AGTPBP1: variants seen among roughly 807,000 people sequenced by gnomAD.
AGTPBP1 encodes cytosolic carboxypeptidase 1.
AGTPBP1 carries 70 observed loss-of-function variants against 143.9 expected under a neutral mutation model. The ratio of observed to expected loss-of-function variants is 0.49; its 90% CI spans 0.40 to 0.59. The LOEUF is 0.59. Among genes scored for constraint, AGTPBP1 ranks in the 20% least tolerant of loss-of-function variants. The pLI is 0.00. For missense variants in AGTPBP1, 1,229 were observed against 1,464.5 expected, an observed-to-expected ratio of 0.84 and a Z score of 2.62; for synonymous variants, 463 against 500.2, an observed-to-expected ratio of 0.93 and a Z score of 0.99.
rs148212968 is a variant in AGTPBP1 at position 85,729,266 on chromosome 9, T to C, written c.-34+12509A>G. Reference sequence around the variant, plus strand: ...TGAAAACCACCCAAGTGCCCACCAATAGATGAATGAACAATACATGGTAGA... The same window carrying C: ...TGAAAACCACCCAAGTGCCCACCAACAGATGAATGAACAATACATGGTAGA... On this transcript the variant is annotated intron_variant, in intron 1 of 25. Transcript: ENST00000357081. 2.6e-3 allele frequency among the ~76,000 whole-genome samples: 397 copies of C among 152,160 alleles called. 1 individual carries two copies. The highest frequency in any genetic ancestry group is 9.1e-3 in the African/African-American group (376 of 41,490).
chr9:85,750,062 T>G, the AGTPBP1 span, among the ~76,000 whole-genome samples: 1 of 152,066 alleles, frequency 6.6e-6, no homozygotes, highest in Non-Finnish European at 1.5e-5. Flanking sequence ...TTTTGTCTTT[T>G]TAATAGAGAC....
intron 2 of AGTPBP1, among the ~76,000 whole-genome samples, chr9:85,698,302 T>C (rs2134333991): frequency 6.6e-6 from 1 of 152,306 alleles, no homozygotes; most frequent in Non-Finnish European, 1.5e-5. Context: ...GTGAGAATCA[T>C]CCTTTTCCAA....
At chr9:85,619,330 T>C in intron 15 of AGTPBP1, 29 bp from the exon 16 acceptor site, 1 of 1,498,518 alleles carries the variant, frequency 6.7e-7, no homozygotes, top group Admixed American at 1.8e-5. Flanking sequence ...GTAAATGTAT[T>C]AAAATACATT....
chr9:85,791,036 T>C, the AGTPBP1 span, among the ~76,000 whole-genome samples: 1 of 152,208 alleles, frequency 6.6e-6, no homozygotes, highest in Non-Finnish European at 1.5e-5. Context: ...TAAGTACATA[T>C]ATAAAGCAAG....
chr9:85,795,586 G>C, the AGTPBP1 span, among the ~76,000 whole-genome samples: 1 of 152,146 alleles, frequency 6.6e-6, no homozygotes, highest in Non-Finnish European at 1.5e-5. Context: ...CCCGGTCTCT[G>C]CTTTTAAGGG....
intron 9 of AGTPBP1, 39 bp from the exon 10 acceptor site, chr9:85,657,682 TGAC>T (rs781221929): frequency 6.8e-7 from 1 of 1,462,888 alleles, no homozygotes; most frequent in South Asian, 1.2e-5. Flanking sequence ...ATTTTTTAAA[TGAC>T]GAGAGTGAGT....
At position 85,559,432 on chromosome 9, in the gene AGTPBP1, C is replaced by T. The variant is rs866223389; in HGVS notation, c.3504-12146G>A. Among the ~76,000 whole-genome samples, 9 of 136,020 alleles carry T rather than the reference C, an allele frequency of 6.6e-5. No individual in the cohort carries two copies. In the East Asian group the frequency reaches 1.9e-3, roughly 28 times the overall value. 89.2% of individuals were successfully genotyped at this position (136,020 alleles called of 152,430 possible). A position where few individuals can be genotyped will look rare whatever the true frequency, so the allele number is the denominator to read the frequency against. On this transcript the variant is annotated intron_variant, in intron 25 of 25. Transcript: ENST00000357081. ...CCCTTCTCAAATACTACTAAGATGA[C>T]AGTAAAAAAAAAAAAAATCTTTTTT...
At chr9:85,551,217 G>A (rs1165791705) in intron 25 of AGTPBP1, among the ~76,000 whole-genome samples, 1 of 151,912 alleles carries the variant, frequency 6.6e-6, no homozygotes, top group African/African-American at 2.4e-5. Flanking sequence ...TAAATTACCC[G>A]GTCTCAGTTT....
chr9:85,651,503 A>C (rs1352672432), intron 11 of AGTPBP1, among the ~76,000 whole-genome samples: 2 of 152,208 alleles, frequency 1.3e-5, no homozygotes, highest in Non-Finnish European at 2.9e-5. Context: ...TTTCATAATA[A>C]TACTATAACA....
chr9:85,735,387 G>A (rs373976264), intron 1 of AGTPBP1, among the ~76,000 whole-genome samples: 62 of 152,252 alleles, frequency 4.1e-4, no homozygotes, highest in Middle Eastern at 6.8e-3. Context: ...ATGGGGGAGG[G>A]GGAGAGTAAT....
At chr9:85,671,452 A>C (rs547667872) in intron 7 of AGTPBP1, among the ~76,000 whole-genome samples, 1 of 151,994 alleles carries the variant, frequency 6.6e-6, no homozygotes, top group East Asian at 1.9e-4. Context: ...AAGTGTTCTA[A>C]GCTGTTTTCC....
chr9:85,554,157 G>C (rs1826195078), intron 25 of AGTPBP1: 2 of 152,354 alleles, frequency 1.3e-5, no homozygotes, highest in African/African-American at 2.4e-5. Flanking sequence ...GTGGGGCAAA[G>C]TCCAGTGGAA....
At chr9:85,607,007 T>G (rs1373038447) in intron 17 of AGTPBP1, among the ~76,000 whole-genome samples, 1 of 151,928 alleles carries the variant, frequency 6.6e-6, no homozygotes, top group African/African-American at 2.4e-5. Context: ...TGGGTGACTA[T>G]CAGTAACAAT....
chr9:85,753,552 G>A, the AGTPBP1 span: 35 of 1,184,962 alleles, frequency 3.0e-5, no homozygotes, highest in East Asian at 4.7e-4. Flanking sequence ...TCAGGAGTTC[G>A]ACCAGCCTGG....
chr9:85,699,632 GT>G (rs148505830), intron 2 of AGTPBP1, among the ~76,000 whole-genome samples: 2,530 of 149,082 alleles, frequency 0.017, 25 homozygotes, highest in Middle Eastern at 0.057. Context: ...ACATACAAAA[GT>G]TTTAGGATTA....
chr9:85,749,274 C>T, the AGTPBP1 span, among the ~76,000 whole-genome samples: 8 of 152,206 alleles, frequency 5.3e-5, no homozygotes, highest in Admixed American at 2.6e-4. Context: ...GGATTACAGG[C>T]ACAAGCCACC....
intron 14 of AGTPBP1, among the ~76,000 whole-genome samples, chr9:85,632,201 C>G (rs759078075): frequency 5.3e-5 from 8 of 152,106 alleles, no homozygotes; most frequent in Non-Finnish European, 1.0e-4. Context: ...AGCATTTATC[C>G]TTTCTTCCAA....
the AGTPBP1 span, among the ~76,000 whole-genome samples, chr9:85,753,679 G>C: frequency 8.6e-5 from 13 of 151,704 alleles, no homozygotes; most frequent in African/African-American, 3.1e-4. Context: ...TTGAACCCTG[G>C]AGGTGGAGGC....
intron 8 of AGTPBP1, among the ~76,000 whole-genome samples, chr9:85,661,705 C>T (rs185255325): frequency 1.3e-5 from 2 of 152,090 alleles, no homozygotes; most frequent in African/African-American, 4.8e-5. Flanking sequence ...TAAAAATACA[C>T]ATAATATCAC....
Sources: allele counts gnomAD v4.1 joint callset (sites outside exome capture counted in the v4.1 genomes callset), GRCh38; gene constraint gnomAD v4.1.1; transcripts MANE v1.5; gene names NCBI Gene and HGNC (gene_info 2026-07-23, HGNC 2026-07-21).